RFX8: variants seen among roughly 807,000 people sequenced by gnomAD.
RFX8 encodes DNA-binding protein RFX8.
RFX8 carries 46 observed loss-of-function variants against 54.6 expected under a neutral mutation model. That is an observed-to-expected ratio of 0.84 (90% CI 0.67 to 1.08). The LOEUF is 1.08. Ranked by LOEUF, RFX8 falls within the 50% of genes least tolerant of loss-of-function variation. RFX8 has a pLI of 0.00. For missense variants in RFX8, 536 were observed against 562.3 expected (o/e 0.95, Z 0.47); for synonymous variants, 192 against 209.5 (o/e 0.92, Z 0.72).
intron 1 of RFX8, among the ~76,000 whole-genome samples, chr2:101,470,799 A>G (rs1051271601): frequency 7.0e-5 from 10 of 142,258 alleles, no homozygotes; most frequent in Non-Finnish European, 1.5e-4. Flanking sequence ...GGCTTAATGC[A>G]AGCTCCGCCT....
intron 2 of RFX8, among the ~76,000 whole-genome samples, chr2:101,452,877 C>T (rs112148293): frequency 6.6e-6 from 1 of 151,654 alleles, no homozygotes; most frequent in Non-Finnish European, 1.5e-5. Context: ...GAGGCTGAGG[C>T]AGGCGAATCA....
At chr2:101,471,071 T>C (rs188030627) in intron 1 of RFX8, among the ~76,000 whole-genome samples, 1,984 of 148,124 alleles carry the variant, frequency 0.013, 47 homozygotes, top group African/African-American at 0.047. Context: ...CGGTGGCTCA[T>C]GCCTGTAATC....
At chr2:101,462,073 A>T (rs960725258) in intron 2 of RFX8, among the ~76,000 whole-genome samples, 1 of 152,274 alleles carries the variant, frequency 6.6e-6, no homozygotes, top group Admixed American at 6.5e-5. Context: ...CCAGATATGG[A>T]TGGGGACTTA....
At chr2:101,456,140 C>A (rs543590304) in intron 2 of RFX8, among the ~76,000 whole-genome samples, 2 of 152,300 alleles carry the variant, frequency 1.3e-5, no homozygotes, top group African/African-American at 4.8e-5. Context: ...TCTAAATATA[C>A]AATCATGTCA....
intron 2 of RFX8, among the ~76,000 whole-genome samples, chr2:101,439,880 G>A (rs969187334): frequency 3.9e-5 from 6 of 152,008 alleles, no homozygotes; most frequent in Non-Finnish European, 7.4e-5. Context: ...ATAGCCGAGC[G>A]GATCTATTTC....
chr2:101,448,988 T>C (rs149114964), intron 2 of RFX8, among the ~76,000 whole-genome samples: 5 of 152,262 alleles, frequency 3.3e-5, no homozygotes, highest in Non-Finnish European at 7.4e-5. Flanking sequence ...TTGTTGGGGA[T>C]GGTCCCATGG....
chr2:101,440,012 A>C (rs1439631070), intron 2 of RFX8, among the ~76,000 whole-genome samples: 2 of 151,964 alleles, frequency 1.3e-5, no homozygotes, highest in African/African-American at 2.4e-5. Flanking sequence ...CTCCCATTTT[A>C]TTCCTTTTCA....
intron 2 of RFX8, among the ~76,000 whole-genome samples, chr2:101,451,183 T>C (rs1411205981): frequency 6.6e-6 from 1 of 152,146 alleles, no homozygotes; most frequent in African/African-American, 2.4e-5. Flanking sequence ...AAATTTTTTC[T>C]AGTTAATTAT....
rs1040393474 is a variant in RFX8, at chr2:101,397,397, C to T, written c.*151G>A. 6.6e-6 allele frequency: 3 copies of T among 455,366 alleles called. No individual in the cohort carries two copies. Among genetic ancestry groups the T allele is most frequent in the Admixed American group, 4.4e-5 (1 of 22,918 alleles). 28.2% of individuals were successfully genotyped at this position (455,366 alleles called of 1,614,324 possible). On this transcript the variant is annotated 3_prime_UTR_variant, in exon 12 of 12. Transcript: ENST00000428343. The stretch of plus-strand genomic sequence containing the variant: ...CAGTTTACATATTTTATCGAAACCA[C>T]CTCCTTGAAATACATATAAACATAA...
chr2:101,451,951 G>C (rs1411123107), intron 2 of RFX8, among the ~76,000 whole-genome samples: 2 of 152,088 alleles, frequency 1.3e-5, no homozygotes, highest in Non-Finnish European at 2.9e-5. Context: ...AAACTAGCCA[G>C]GCCTGGTGGG....
At chr2:101,408,082 T>G (rs1272786004) in intron 9 of RFX8, among the ~76,000 whole-genome samples, 1 of 152,198 alleles carries the variant, frequency 6.6e-6, no homozygotes, top group Non-Finnish European at 1.5e-5. Flanking sequence ...GCCTCCTTTG[T>G]GAGGGCTGAA....
intron 2 of RFX8, among the ~76,000 whole-genome samples, chr2:101,466,271 T>C (rs1430199623): frequency 6.8e-6 from 1 of 147,748 alleles, no homozygotes; most frequent in Non-Finnish European, 1.5e-5. Flanking sequence ...ATCACGCCAT[T>C]GCTGTAGCCT....
At chr2:101,472,949 G>A (rs954143411) in intron 1 of RFX8, among the ~76,000 whole-genome samples, 4 of 152,056 alleles carry the variant, frequency 2.6e-5, no homozygotes, top group African/African-American at 9.7e-5. Context: ...AACTCAGGAG[G>A]CGGAGGTCAC....
At chr2:101,402,791 C>T (rs772148011) in intron 10 of RFX8, 39 bp from the exon 11 acceptor site, 23 of 1,489,648 alleles carry the variant, frequency 1.5e-5, no homozygotes, top group Middle Eastern at 1.7e-4. Context: ...TACATTTGAT[C>T]GACAGACAAT....
At chr2:101,466,279 C>T (rs1156984705) in intron 2 of RFX8, among the ~76,000 whole-genome samples, 1 of 148,722 alleles carries the variant, frequency 6.7e-6, no homozygotes, top group Admixed American at 6.8e-5. Context: ...ATTGCTGTAG[C>T]CTGGGCAACA....
chr2:101,444,554 A>G (rs1190813893), intron 2 of RFX8, among the ~76,000 whole-genome samples: 1 of 152,248 alleles, frequency 6.6e-6, no homozygotes, highest in African/African-American at 2.4e-5. Flanking sequence ...GGCGAATCAG[A>G]TGTTGAATTA....
At chr2:101,418,827 C>T in intron 5 of RFX8, 24 bp downstream of exon 5, 13 of 1,428,938 alleles carry the variant, frequency 9.1e-6, no homozygotes, top group South Asian at 1.2e-5. Flanking sequence ...AGGATATACT[C>T]TAGAGACTCA....
chr2:101,456,928 T>TACCC (rs1689000950), intron 2 of RFX8, among the ~76,000 whole-genome samples: 1 of 152,230 alleles, frequency 6.6e-6, no homozygotes, highest in Non-Finnish European at 1.5e-5. Context: ...CCTGGTTTAG[T>TACCC]CTTGGGAGGG....
intron 2 of RFX8, among the ~76,000 whole-genome samples, chr2:101,441,967 G>T (rs1295837238): frequency 6.6e-6 from 1 of 152,004 alleles, no homozygotes; most frequent in East Asian, 1.9e-4. Flanking sequence ...TGTTTCCTTT[G>T]GTTCTTCTTC....
Sources: gnomAD v4.1 joint callset for allele counts (sites outside exome capture counted in the v4.1 genomes callset) on GRCh38, gnomAD v4.1.1 for gene constraint, MANE v1.5 for transcripts, NCBI Gene and HGNC (gene_info 2026-07-23, HGNC 2026-07-21) for gene names.